Variants in ZFYVE1 observed in about 807,000 individuals in gnomAD.
ZFYVE1 encodes zinc finger FYVE domain-containing protein 1.
Under a neutral mutation model 74.4 loss-of-function variants are expected in ZFYVE1, and 30 were observed. That is an observed-to-expected ratio of 0.40 (90% CI 0.30 to 0.55). The LOEUF is 0.55. ZFYVE1 is among the 20% of genes least tolerant of loss of function. ZFYVE1 has a pLI of 0.42. For missense variants in ZFYVE1, 703 were observed against 1,011.6 expected, an observed-to-expected ratio of 0.69 and a Z score of 4.14; for synonymous variants, 335 against 385.1, an observed-to-expected ratio of 0.87 and a Z score of 1.52.
intron 2 of ZFYVE1, among the ~76,000 whole-genome samples, chr14:73,021,469 G>A (rs1346686478): frequency 6.6e-6 from 1 of 152,232 alleles, no homozygotes; most frequent in Non-Finnish European, 1.5e-5. Flanking sequence ...ACATGGCATA[G>A]GCCATGAAAC....
intron 2 of ZFYVE1, among the ~76,000 whole-genome samples, chr14:72,999,876 A>G (rs1229840863): frequency 6.6e-6 from 1 of 152,184 alleles, no homozygotes; most frequent in African/African-American, 2.4e-5. Context: ...CCTGGCCAAC[A>G]TGGTGAAACC....
chr14:72,988,520 T>C (rs1193159283), intron 4 of ZFYVE1, among the ~76,000 whole-genome samples: 1 of 151,434 alleles, frequency 6.6e-6, no homozygotes, highest in Non-Finnish European at 1.5e-5. Flanking sequence ...AAAATAGGCA[T>C]TTCGGGCCTG....
chr14:73,011,081 T>C (rs1389679638), intron 2 of ZFYVE1, among the ~76,000 whole-genome samples: 1 of 151,764 alleles, frequency 6.6e-6, no homozygotes, highest in African/African-American at 2.4e-5. Context: ...TTCACTTGAA[T>C]CATGAGTAAC....
intron 8 of ZFYVE1, among the ~76,000 whole-genome samples, chr14:72,977,198 G>C (rs980262082): frequency 6.6e-6 from 1 of 152,132 alleles, no homozygotes; most frequent in African/African-American, 2.4e-5. Context: ...ACCTGAGGTC[G>C]GGAGTTTGAA....
chr14:72,981,723 G>A, intron 5 of ZFYVE1, 66 bp downstream of exon 5: 1 of 1,467,958 alleles, frequency 6.8e-7, no homozygotes, highest in South Asian at 1.1e-5. Flanking sequence ...CAAAGTCTAG[G>A]AAGCACCACT....
At chr14:72,988,776 C>G (rs1362128917) in intron 4 of ZFYVE1, among the ~76,000 whole-genome samples, 1 of 142,068 alleles carries the variant, frequency 7.0e-6, no homozygotes, top group Non-Finnish European at 1.5e-5. Context: ...CACTGTACTC[C>G]AGCCTGAGTG....
rs773392146 is a variant in ZFYVE1 at position 73,024,406 on chromosome 14, C to T, written c.103G>A (p.Asp35Asn). 2 of 1,614,218 alleles carry T rather than the reference C, an allele frequency of 1.2e-6. No individual in the cohort carries two copies. The highest frequency in any genetic ancestry group is 3.3e-5 in the Admixed American group (2 of 60,018). ...AGACACTGCAGACTGCAGCACTCATCACACTCAAAGATAGCTTCATCAGTC... is the reference window on the plus strand; with the variant it reads ...AGACACTGCAGACTGCAGCACTCATTACACTCAAAGATAGCTTCATCAGTC... The part of the protein sequence containing the change: ...SGTDEAIFEC[D>N]ECCSLQCLRC... The change falls in exon 2 of 12, where the codon GAT becomes AAT. Residue 35 changes from aspartate to asparagine, a missense_variant. This residue lies in a region of ZFYVE1 where 211 missense variants were observed against 221.7 expected (regional missense o/e 0.95). Transcript: ENST00000556143.
At chr14:72,974,639 T>TA in intron 10 of ZFYVE1, 140 bp downstream of exon 10, 1 of 1,109,896 alleles carries the variant, frequency 9.0e-7, no homozygotes, top group Non-Finnish European at 1.3e-6. Context: ...ACAAGGAGCT[T>TA]AGAGGCTGAC....
intron 2 of ZFYVE1, among the ~76,000 whole-genome samples, chr14:73,002,741 C>CTT (rs532732428): frequency 8.0e-4 from 102 of 127,478 alleles, no homozygotes; most frequent in Non-Finnish European, 1.2e-3. Context: ...GTTGCTTTTT[C>CTT]TTTTTTTTTT....
intron 4 of ZFYVE1, among the ~76,000 whole-genome samples, chr14:72,988,681 C>A (rs1280855385): frequency 6.6e-6 from 1 of 151,322 alleles, no homozygotes; most frequent in Non-Finnish European, 1.5e-5. Flanking sequence ...GTGGTGTGTG[C>A]CCGTAATCCA....
chr14:72,980,366 G>C (rs1394996261), intron 5 of ZFYVE1, among the ~76,000 whole-genome samples: 1 of 152,116 alleles, frequency 6.6e-6, no homozygotes, highest in Non-Finnish European at 1.5e-5. Context: ...GGAAGGGATT[G>C]TCTACAGGAC....
At chr14:73,003,098 A>G (rs1156616110) in intron 2 of ZFYVE1, among the ~76,000 whole-genome samples, 9 of 118,500 alleles carry the variant, frequency 7.6e-5, no homozygotes, top group Non-Finnish European at 1.3e-4. Flanking sequence ...TCTGTCACCC[A>G]GGCTGGAGTC....
intron 2 of ZFYVE1, among the ~76,000 whole-genome samples, chr14:73,016,404 A>G (rs1894203568): frequency 6.6e-6 from 1 of 152,044 alleles, no homozygotes; most frequent in African/African-American, 2.4e-5. Flanking sequence ...CCAGCTACTC[A>G]GGAGGCTGAG....
chr14:73,006,291 G>C (rs910766054), intron 2 of ZFYVE1, among the ~76,000 whole-genome samples: 1 of 151,704 alleles, frequency 6.6e-6, no homozygotes, highest in African/African-American at 2.4e-5. Flanking sequence ...TAATCTTTAC[G>C]AGGCTGGGCG....
intron 4 of ZFYVE1, among the ~76,000 whole-genome samples, chr14:72,986,546 A>C (rs1893485960): frequency 6.7e-6 from 1 of 149,842 alleles, no homozygotes; most frequent in South Asian, 2.1e-4. Flanking sequence ...CCTCTTTTAG[A>C]ATCTAATCAG....
At chr14:72,992,609 T>C (rs929122566) in intron 4 of ZFYVE1, among the ~76,000 whole-genome samples, 2 of 125,934 alleles carry the variant, frequency 1.6e-5, no homozygotes, top group Admixed American at 7.7e-5. Flanking sequence ...GAGGTCCCAT[T>C]CAGGTGCCCC....
At chr14:73,026,901 G>A in intron 1 of ZFYVE1, 25 bp downstream of exon 1, 1 of 348,880 alleles carries the variant, frequency 2.9e-6, no homozygotes, top group East Asian at 4.2e-5. Flanking sequence ...GCCCTGCCCT[G>A]CCCGCCGCGG....
chr14:72,985,370 TCACC>T (rs1893448206), intron 4 of ZFYVE1, among the ~76,000 whole-genome samples: 2 of 152,146 alleles, frequency 1.3e-5, no homozygotes, highest in Admixed American at 1.3e-4. Context: ...TCTCGCTCCG[TCACC>T]CAGGTTGGAG....
At chr14:73,020,659 A>G (rs891863771) in intron 2 of ZFYVE1, among the ~76,000 whole-genome samples, 1 of 152,082 alleles carries the variant, frequency 6.6e-6, no homozygotes, top group African/African-American at 2.4e-5. Flanking sequence ...GTCGCAGTTC[A>G]TTGTTAATGG....
Sources: allele counts gnomAD v4.1 joint callset (sites outside exome capture counted in the v4.1 genomes callset), GRCh38; gene constraint gnomAD v4.1.1; regional missense constraint gnomAD v4.1.1; transcripts MANE v1.5; gene names NCBI Gene and HGNC (gene_info 2026-07-23, HGNC 2026-07-21).